The following WWOX variants were observed in gnomAD, a reference collection of about 807,000 sequenced individuals.
WWOX encodes WW domain containing oxidoreductase.
WWOX carries 69 observed loss-of-function variants against 46.2 expected under a neutral mutation model. The ratio of observed to expected loss-of-function variants is 1.49; its 90% CI spans 1.23 to 1.82. The LOEUF (loss-of-function observed/expected upper bound fraction) is 1.82, where lower values mean the gene tolerates loss of function less well. Among genes scored for constraint, WWOX ranks in the 40% most tolerant of loss-of-function variants. The probability of loss-of-function intolerance (pLI) is 0.00; values close to 1 mark genes in which losing one functional copy is unlikely to be tolerated. For missense variants in WWOX, 919 were observed against 542.6 expected (o/e 1.69, Z -6.89); for synonymous variants, 359 against 202.6 (o/e 1.77, Z -6.56).
chr16:78,596,472 C>CAGG lies in WWOX; in HGVS notation c.1056+163721_1056+163723dup, dbSNP rs373168855. ...GCAGGAATAGCCAGTCCTGCCCCAGCAGGGCGTATCAGGGGTGCTAAGGTG... is the reference window on the plus strand; with the variant it reads ...GCAGGAATAGCCAGTCCTGCCCCAGCAGGAGGGCGTATCAGGGGTGCTAAGGTG... On this transcript the variant is annotated intron_variant, in intron 8 of 8. Transcript: ENST00000566780. Among the ~76,000 whole-genome samples the CAGG allele has an allele frequency of 9.0e-3, 1,347 of 150,272 alleles. 20 individuals carry two copies. The highest frequency in any genetic ancestry group is 0.031 in the African/African-American group (1,303 of 41,398).
At chr16:79,161,472 A>C in intron 8 of WWOX, among the ~76,000 whole-genome samples, 1 of 152,200 alleles carries the variant, frequency 6.6e-6, no homozygotes, top group East Asian at 1.9e-4. Context: ...AGGAGAGAAG[A>C]GAGGAAATGA....
chr16:78,406,307 T>TAAATAC (rs60615202), intron 6 of WWOX, among the ~76,000 whole-genome samples: 28 of 16,404 alleles, frequency 1.7e-3, no homozygotes, highest in East Asian at 0.015. Context: ...AATATAAATA[T>TAAATAC]ATATATATAT....
intron 4 of WWOX, among the ~76,000 whole-genome samples, chr16:78,155,677 G>A (rs190260026): frequency 1.3e-3 from 196 of 152,262 alleles, no homozygotes; most frequent in Non-Finnish European, 1.6e-3. Context: ...TTTAAACATT[G>A]TCATAAAGTT....
chr16:78,847,250 C>G (rs2052323479), intron 8 of WWOX, among the ~76,000 whole-genome samples: 1 of 152,154 alleles, frequency 6.6e-6, no homozygotes, highest in African/African-American at 2.4e-5. Context: ...TAGAACTTCT[C>G]AACAGAGTTT....
At chr16:79,060,631 T>G (rs1330132816) in intron 8 of WWOX, among the ~76,000 whole-genome samples, 1 of 152,248 alleles carries the variant, frequency 6.6e-6, no homozygotes, top group African/African-American at 2.4e-5. Context: ...AACTGGACAC[T>G]TGAAGAGTAT....
chr16:78,795,355 C>T (rs1330458249), intron 8 of WWOX, among the ~76,000 whole-genome samples: 1 of 152,106 alleles, frequency 6.6e-6, no homozygotes, highest in African/African-American at 2.4e-5. Context: ...GACTCTTTAA[C>T]ACCATATGCT....
At chr16:78,215,344 G>A (rs1367840414) in intron 5 of WWOX, among the ~76,000 whole-genome samples, 4 of 152,190 alleles carry the variant, frequency 2.6e-5, no homozygotes, top group African/African-American at 4.8e-5. Flanking sequence ...TACGTGCCAG[G>A]TAGGGACCTG....
intron 5 of WWOX, among the ~76,000 whole-genome samples, chr16:78,336,505 CAAAAAA>C (rs386385163): frequency 2.7e-5 from 2 of 74,256 alleles, no homozygotes; most frequent in Non-Finnish European, 5.4e-5. Context: ...GACTATGTCT[CAAAAAA>C]AAAAAAAAAA....
At chr16:78,973,159 G>T (rs191933012) in intron 8 of WWOX, among the ~76,000 whole-genome samples, 1 of 152,018 alleles carries the variant, frequency 6.6e-6, no homozygotes, top group Non-Finnish European at 1.5e-5. Context: ...TCTCTGCCAC[G>T]TCCGCCTTTA....
At chr16:79,007,259 A>C (rs1331414797) in intron 8 of WWOX, among the ~76,000 whole-genome samples, 2 of 152,142 alleles carry the variant, frequency 1.3e-5, no homozygotes, top group East Asian at 3.9e-4. Context: ...TTTGCTGGAG[A>C]ATAACAAAGG....
chr16:79,072,119 CA>C, intron 8 of WWOX, among the ~76,000 whole-genome samples: 1 of 151,844 alleles, frequency 6.6e-6, no homozygotes, highest in East Asian at 1.9e-4. Flanking sequence ...TCCATCTCTA[CA>C]AAAAAAGAAA....
chr16:78,545,720 C>T (rs948680232), intron 8 of WWOX, among the ~76,000 whole-genome samples: 2 of 152,174 alleles, frequency 1.3e-5, no homozygotes, highest in African/African-American at 4.8e-5. Context: ...TAGAAACTTA[C>T]TGTCTCACAG....
chr16:78,396,705 C>T (rs2082295832), intron 6 of WWOX, among the ~76,000 whole-genome samples: 1 of 152,224 alleles, frequency 6.6e-6, no homozygotes, highest in African/African-American at 2.4e-5. Flanking sequence ...AGTTTTTCTG[C>T]AAAGAATCAG....
intron 8 of WWOX, among the ~76,000 whole-genome samples, chr16:78,576,369 A>G (rs2044880031): frequency 6.6e-6 from 1 of 152,236 alleles, no homozygotes; most frequent in African/African-American, 2.4e-5. Context: ...CCCAAAAGAC[A>G]TAGCTTGGTT....
chr16:78,842,438 G>C (rs1419127444), intron 8 of WWOX, among the ~76,000 whole-genome samples: 1 of 152,096 alleles, frequency 6.6e-6, no homozygotes, highest in Non-Finnish European at 1.5e-5. Flanking sequence ...GGATGTGTGT[G>C]GCTATGGTGA....
At chr16:78,729,781 T>C (rs2048924691) in intron 8 of WWOX, among the ~76,000 whole-genome samples, 1 of 152,196 alleles carries the variant, frequency 6.6e-6, no homozygotes, top group Admixed American at 6.5e-5. Flanking sequence ...CCTCAGCTGC[T>C]AAGGGTCAGA....
At chr16:78,545,490 C>T (rs560444319) in intron 8 of WWOX, among the ~76,000 whole-genome samples, 14 of 152,180 alleles carry the variant, frequency 9.2e-5, no homozygotes, top group South Asian at 2.1e-4. Flanking sequence ...GTAGCTGGGA[C>T]GACAGGTGCC....
intron 8 of WWOX, among the ~76,000 whole-genome samples, chr16:78,561,806 A>G (rs1318710240): frequency 6.6e-6 from 1 of 152,172 alleles, no homozygotes; most frequent in African/African-American, 2.4e-5. Context: ...AGAAGAACGC[A>G]GGGTTCCTTC....
intron 8 of WWOX, among the ~76,000 whole-genome samples, chr16:79,158,223 A>G (rs1037729928): frequency 1.3e-5 from 2 of 152,200 alleles, no homozygotes; most frequent in South Asian, 2.1e-4. Flanking sequence ...GGGAAGAACT[A>G]TTAAGGAGGA....
Sources: allele counts gnomAD v4.1 joint callset (sites outside exome capture counted in the v4.1 genomes callset), GRCh38; gene constraint gnomAD v4.1.1; transcripts MANE v1.5; gene names NCBI Gene and HGNC (gene_info 2026-07-23, HGNC 2026-07-21).